PCDHA5: variants seen among roughly 807,000 people sequenced by gnomAD.
The protein encoded by PCDHA5 is protocadherin alpha 5, also known as protocadherin alpha-5.
A neutral mutation model predicts 61.6 loss-of-function variants in PCDHA5; 43 were observed. The ratio of observed to expected loss-of-function variants is 0.70; its 90% CI spans 0.55 to 0.90. The LOEUF is 0.90. Among genes scored for constraint, PCDHA5 ranks in the 40% least tolerant of loss-of-function variants. PCDHA5 has a pLI of 0.00. For synonymous variants in PCDHA5, 627 were observed against 543.9 expected (o/e 1.15, Z -2.13); for missense variants, 1,298 against 1,222.7 (o/e 1.06, Z -0.92).
intron 1 of PCDHA5, among the ~76,000 whole-genome samples, chr5:140,941,319 CT>C (rs70988781): frequency 0.38 from 39,984 of 104,186 alleles, 7,512 homozygotes; most frequent in East Asian, 0.57. Flanking sequence ...TCTTCTTTCT[CT>C]TTTTTTTTTT....
chr5:140,968,608 T>A, intron 1 of PCDHA5: 1 of 1,614,242 alleles, frequency 6.2e-7, no homozygotes, highest in Non-Finnish European at 8.5e-7. Flanking sequence ...ACTCAGACTC[T>A]GGGCAAAATG....
At chr5:140,969,919 T>C (rs773906362) in intron 1 of PCDHA5, among the ~76,000 whole-genome samples, 1 of 152,198 alleles carries the variant, frequency 6.6e-6, no homozygotes, top group South Asian at 2.1e-4. Flanking sequence ...GATAAAGCTG[T>C]AGTATTTAGA....
chr5:140,905,152 G>T (rs2071629879), intron 1 of PCDHA5, among the ~76,000 whole-genome samples: 1 of 152,154 alleles, frequency 6.6e-6, no homozygotes. Context: ...TTATATTTTA[G>T]AATTTTCATG....
intron 1 of PCDHA5, chr5:140,927,406 G>C: frequency 6.2e-7 from 1 of 1,614,210 alleles, no homozygotes; most frequent in East Asian, 2.2e-5. Context: ...CTTTCGCCTG[G>C]ACATGGGATC....
chr5:140,925,069 C>T (rs1240618705), intron 1 of PCDHA5, among the ~76,000 whole-genome samples: 1 of 149,418 alleles, frequency 6.7e-6, no homozygotes, highest in Non-Finnish European at 1.5e-5. Context: ...AACAAAGCAA[C>T]ACGCTCATCT....
intron 1 of PCDHA5, among the ~76,000 whole-genome samples, chr5:140,932,376 A>G (rs2088262778): frequency 6.6e-6 from 1 of 151,964 alleles, no homozygotes; most frequent in African/African-American, 2.4e-5. Context: ...TTTCCACATG[A>G]AAGTTATACA....
At chr5:141,007,156 G>A (rs1289202250) in intron 3 of PCDHA5, among the ~76,000 whole-genome samples, 2 of 152,148 alleles carry the variant, frequency 1.3e-5, no homozygotes, top group Non-Finnish European at 1.5e-5. Context: ...AACTGTCAAA[G>A]AACAGTCAGA....
Position 140,866,315 on chromosome 5 carries a change from A to C in PCDHA5, c.2352+42188A>C, listed in dbSNP as rs529442584. On this transcript the variant is annotated intron_variant, in intron 1 of 3. Transcript: ENST00000529859. ...GTATAGATGTTGATATTATTATTTC[A>C]GGGACCCTGAACTTGGCCAAAGGAT... The C allele has an allele frequency of 2.6e-5, 4 of 152,278 alleles. No individual in the cohort carries two copies. The East Asian group carries it at 7.7e-4, about 29-fold the overall frequency. 9.4% of individuals were successfully genotyped at this position (152,278 alleles called of 1,614,324 possible).
intron 1 of PCDHA5, chr5:140,829,432 C>T (rs1446310699): frequency 2.5e-6 from 4 of 1,613,988 alleles, no homozygotes; most frequent in Non-Finnish European, 3.4e-6. Context: ...AGGTGGCCGA[C>T]ATGAATGACA....
chr5:140,967,074 A>C (rs1554229140), intron 1 of PCDHA5: 1 of 1,613,138 alleles, frequency 6.2e-7, no homozygotes. Flanking sequence ...TTCGTCAACG[A>C]GCGCATTGAT....
In PCDHA5 at chr5:140,823,224, G is replaced by A. The variant is rs2150123702; in HGVS notation, c.1449G>A (p.Ala483=). 6.2e-7 allele frequency: 1 copy of A among 1,613,550 alleles called. No individual in the cohort carries two copies. Among genetic ancestry groups the A allele is most frequent in the Non-Finnish European group, 8.5e-7 (1 of 1,179,806 alleles). Residue 483 remains alanine (A), a synonymous_variant, in exon 1 of 4, where the codon GCG becomes GCA. Coordinates refer to ENST00000529859, the MANE Select transcript of PCDHA5 (RefSeq NM_018908.3). ...CGGTGTCTGCACGGGACGCGGACGCGCAGGAGAACGCCCTGGTGTCCTACT... is the reference window on the plus strand; with the variant it reads ...CGGTGTCTGCACGGGACGCGGACGCACAGGAGAACGCCCTGGTGTCCTACT... ...IFTVSARDAD[A]QENALVSYSL...
intron 1 of PCDHA5, chr5:140,834,620 G>A (rs1773151452): frequency 1.9e-6 from 3 of 1,614,080 alleles, no homozygotes; most frequent in Non-Finnish European, 2.5e-6. Flanking sequence ...AGGTAAATCT[G>A]CAGAATGGCA....
chr5:140,975,861 T>G (rs782026072), intron 1 of PCDHA5, among the ~76,000 whole-genome samples: 8 of 152,192 alleles, frequency 5.3e-5, no homozygotes, highest in Non-Finnish European at 8.8e-5. Flanking sequence ...ATCACCCATA[T>G]GGACTACCTA....
Position 140,969,604 on chromosome 5 carries a change from AAC to A in PCDHA5, c.2353-9341_2353-9340del. 5.2e-6 allele frequency: 4 copies of A among 765,156 alleles called. No homozygotes were observed. The South Asian group carries it at 6.3e-5, about 12-fold the overall frequency. 47.4% of individuals were successfully genotyped at this position (765,156 alleles called of 1,614,324 possible). A position where few individuals can be genotyped will look rare whatever the true frequency, so the allele number is the denominator to read the frequency against. On this transcript the variant is annotated intron_variant, in intron 1 of 3. Transcript: ENST00000529859. Reference sequence around the variant, plus strand: ...GATTAGTCTTAATATTTAATGCTAAAACACAGATTTGTAGAGAAACAGGACAG... The same window carrying A: ...GATTAGTCTTAATATTTAATGCTAAAACAGATTTGTAGAGAAACAGGACAG...
chr5:140,918,051 A>G (rs782531005), intron 1 of PCDHA5, among the ~76,000 whole-genome samples: 2 of 151,984 alleles, frequency 1.3e-5, no homozygotes, highest in Non-Finnish European at 1.5e-5. Flanking sequence ...CATTTGTTTT[A>G]TCATCTCTGA....
In PCDHA5 at chr5:140,944,181, G is replaced by A. The variant is rs112665762; in HGVS notation, c.2353-34768G>A. 4.3e-3 allele frequency among the ~76,000 whole-genome samples: 661 copies of A among 151,992 alleles called. 7 individuals are homozygous for A. Among genetic ancestry groups the A allele is most frequent in the African/African-American group, 0.015 (616 of 41,488 alleles). On this transcript the variant is annotated intron_variant, in intron 1 of 3. Coordinates refer to ENST00000529859, the MANE Select transcript of PCDHA5 (RefSeq NM_018908.3). ...AAAGGGCCAAGGCTGGTTTTTTGTTGGTTTGTTTTGTTTTGTTTTGTTTTT... is the reference window on the plus strand; with the variant it reads ...AAAGGGCCAAGGCTGGTTTTTTGTTAGTTTGTTTTGTTTTGTTTTGTTTTT...
Position 140,842,949 on chromosome 5 carries a change from C to T in PCDHA5, c.2352+18822C>T. On this transcript the variant is annotated intron_variant, in intron 1 of 3. Coordinates refer to ENST00000529859, the MANE Select transcript of PCDHA5 (RefSeq NM_018908.3). Reference sequence around the variant, plus strand: ...GTGAGCGCGCGCGACGCGGGCGTGCCGCCTCTGGGCAGCAACGTGACGCTG... The same window carrying T: ...GTGAGCGCGCGCGACGCGGGCGTGCTGCCTCTGGGCAGCAACGTGACGCTG... The T allele has an allele frequency of 3.1e-6, 5 of 1,594,666 alleles. 1 individual carries two copies. The highest frequency in any genetic ancestry group is 4.3e-6 in the Non-Finnish European group (5 of 1,165,460).
intron 1 of PCDHA5, chr5:140,927,907 G>A (rs1179807732): frequency 4.9e-5 from 79 of 1,614,038 alleles, no homozygotes; most frequent in Non-Finnish European, 6.6e-5. Flanking sequence ...TCATGCCCCC[G>A]AACTGGACTT....
At chr5:140,843,377 G>A (rs2150358675) in intron 1 of PCDHA5, 17 of 1,596,146 alleles carry the variant, frequency 1.1e-5, no homozygotes, top group Middle Eastern at 1.7e-4. Context: ...GTCGGCTGGC[G>A]TTTTGGGTCC....
Sources: allele counts gnomAD v4.1 joint callset (sites outside exome capture counted in the v4.1 genomes callset), GRCh38; gene constraint gnomAD v4.1.1; transcripts MANE v1.5; gene names NCBI Gene and HGNC (gene_info 2026-07-23, HGNC 2026-07-21).